RABGAP1L: variants seen among roughly 807,000 people sequenced by gnomAD.
The protein encoded by RABGAP1L is RAB GTPase activating protein 1 like, also known as rab GTPase-activating protein 1-like.
In RABGAP1L, 63 loss-of-function variants were observed where a neutral mutation model predicts 137.7. The ratio of observed to expected loss-of-function variants is 0.46; its 90% CI spans 0.37 to 0.56. The LOEUF is 0.56. RABGAP1L is among the 20% of genes least tolerant of loss of function. The pLI is 0.00. For missense variants in RABGAP1L, 1,095 were observed against 1,244.0 expected, an observed-to-expected ratio of 0.88 and a Z score of 1.80; for synonymous variants, 431 against 433.7, an observed-to-expected ratio of 0.99 and a Z score of 0.08.
chr1:174,237,172 G>T (rs561236536), intron 4 of RABGAP1L, among the ~76,000 whole-genome samples: 2 of 151,194 alleles, frequency 1.3e-5, no homozygotes, highest in African/African-American at 2.4e-5. Flanking sequence ...GTCTCTGCAC[G>T]TGAGATGGGT....
chr1:174,729,096 T>C (rs332798), intron 17 of RABGAP1L, among the ~76,000 whole-genome samples: 60,082 of 151,966 alleles, frequency 0.4, 15,037 homozygotes, highest in African/African-American at 0.71. Context: ...TATATAGTAA[T>C]CAAAACAACG....
intron 19 of RABGAP1L, chr1:174,874,484 C>T (rs1652746833): frequency 1.0e-6 from 1 of 984,626 alleles, no homozygotes; most frequent in Non-Finnish European, 1.2e-6. Context: ...GTTTCTGTTG[C>T]CTGTTTTGAT....
intron 17 of RABGAP1L, among the ~76,000 whole-genome samples, chr1:174,719,751 A>G (rs942355890): frequency 2.0e-4 from 31 of 152,236 alleles, no homozygotes; most frequent in Non-Finnish European, 4.0e-4. Context: ...AGAGTGTATC[A>G]TCAGTCCAAA....
intron 1 of RABGAP1L, among the ~76,000 whole-genome samples, chr1:174,187,202 T>C (rs1666868890): frequency 6.6e-6 from 1 of 151,954 alleles, no homozygotes; most frequent in South Asian, 2.1e-4. Context: ...CAGTATAAAG[T>C]AGGATAACCC....
intron 19 of RABGAP1L, among the ~76,000 whole-genome samples, chr1:174,881,803 T>C (rs1654273843): frequency 6.6e-6 from 1 of 152,106 alleles, no homozygotes; most frequent in Admixed American, 6.6e-5. Context: ...CCTGGCCTCA[T>C]TTGCTTTTAA....
chr1:174,523,311 A>G (rs1247748290), intron 13 of RABGAP1L, among the ~76,000 whole-genome samples: 1 of 152,198 alleles, frequency 6.6e-6, no homozygotes. Context: ...GCATACAGCC[A>G]AATATCATTA....
chr1:174,967,107 T>A (rs896644558), intron 20 of RABGAP1L, among the ~76,000 whole-genome samples: 6 of 151,936 alleles, frequency 3.9e-5, no homozygotes, highest in African/African-American at 1.4e-4. Flanking sequence ...TATTGGGGTT[T>A]TTTTCCCCCC....
At chr1:174,305,285 A>T (rs1678099608) in intron 11 of RABGAP1L, among the ~76,000 whole-genome samples, 158 bp downstream of exon 11, 1 of 152,198 alleles carries the variant, frequency 6.6e-6, no homozygotes, top group Admixed American at 6.5e-5. Flanking sequence ...AATTTGGTTC[A>T]TTTGGTTCCT....
intron 20 of RABGAP1L, among the ~76,000 whole-genome samples, chr1:174,959,726 T>A (rs1668915724): frequency 6.6e-6 from 1 of 152,168 alleles, no homozygotes; most frequent in South Asian, 2.1e-4. Context: ...CTCTTAATAA[T>A]GTCTAGGCAT....
At chr1:174,438,744 GTATATATA>G (rs71117563) in intron 13 of RABGAP1L, among the ~76,000 whole-genome samples, 2,148 of 95,450 alleles carry the variant, frequency 0.023, 139 homozygotes, top group African/African-American at 0.092. Context: ...GTGTGTGTGT[GTATATATA>G]TATATATATA....
At chr1:174,179,269 G>T (rs1008099281) in intron 1 of RABGAP1L, among the ~76,000 whole-genome samples, 4 of 152,078 alleles carry the variant, frequency 2.6e-5, no homozygotes, top group Non-Finnish European at 5.9e-5. Flanking sequence ...TCCATTGAGA[G>T]AAAATGTCTT....
At chr1:174,426,945 T>C (rs1652026830) in intron 13 of RABGAP1L, among the ~76,000 whole-genome samples, 1 of 152,064 alleles carries the variant, frequency 6.6e-6, no homozygotes, top group Non-Finnish European at 1.5e-5. Context: ...ATCATAACAA[T>C]ATGTAATATG....
intron 13 of RABGAP1L, among the ~76,000 whole-genome samples, chr1:174,443,113 T>C (rs1349408792): frequency 6.6e-6 from 1 of 152,088 alleles, no homozygotes; most frequent in Non-Finnish European, 1.5e-5. Context: ...TCCCCACCTG[T>C]TCATGTCTTG....
intron 13 of RABGAP1L, among the ~76,000 whole-genome samples, chr1:174,514,971 GTTCT>G (rs1662685527): frequency 6.6e-6 from 1 of 151,914 alleles, no homozygotes; most frequent in African/African-American, 2.4e-5. Flanking sequence ...TTTTAAAAAT[GTTCT>G]TTATTTAAAA....
In RABGAP1L at chr1:174,562,983, C is replaced by T. The variant is rs182716054; in HGVS notation, c.1711-74392C>T. Among the ~76,000 whole-genome samples, 177 of 152,128 alleles carry T rather than the reference C, an allele frequency of 1.2e-3. 1 individual carries two copies. Among genetic ancestry groups the T allele is most frequent in the African/African-American group, 4.2e-3 (173 of 41,426 alleles). ...CAAAACTGCACGTTCTGCACATGTA[C>T]TCCAGAACTTAAAGTATAATAAAAA... On this transcript the variant is annotated intron_variant, in intron 13 of 25. Coordinates refer to ENST00000681986, the MANE Select transcript of RABGAP1L (RefSeq NM_001366446.1).
At position 174,201,690 on chromosome 1, in the gene RABGAP1L, G is replaced by A. The variant is rs137917237; in HGVS notation, c.-33-17435G>A. Among the ~76,000 whole-genome samples the A allele has an allele frequency of 5.1e-3, 759 of 149,592 alleles. 3 individuals are homozygous for A. The highest frequency in any genetic ancestry group is 0.018 in the African/African-American group (727 of 40,516). On this transcript the variant is annotated intron_variant, in intron 1 of 25. Coordinates refer to ENST00000681986, the MANE Select transcript of RABGAP1L (RefSeq NM_001366446.1). Reference sequence around the variant, plus strand: ...TTATACTTTAAGTTTTAGGGTACATGTGCACAACGTGCAGGTTTGTTACAT... The same window carrying A: ...TTATACTTTAAGTTTTAGGGTACATATGCACAACGTGCAGGTTTGTTACAT...
intron 8 of RABGAP1L, among the ~76,000 whole-genome samples, chr1:174,274,522 G>A (rs1438602796): frequency 2.0e-5 from 3 of 151,788 alleles, no homozygotes; most frequent in Non-Finnish European, 1.5e-5. Flanking sequence ...GTTTTTATAA[G>A]TACGGTGTAT....
At chr1:174,321,137 G>T (rs918501048) in intron 11 of RABGAP1L, among the ~76,000 whole-genome samples, 1 of 152,124 alleles carries the variant, frequency 6.6e-6, no homozygotes, top group Admixed American at 6.6e-5. Context: ...CCAGTCTCCT[G>T]TAGCACTCCC....
chr1:174,564,405 T>C (rs1667430654), intron 13 of RABGAP1L, among the ~76,000 whole-genome samples: 1 of 152,204 alleles, frequency 6.6e-6, no homozygotes, highest in South Asian at 2.1e-4. Context: ...TACCAGGTGC[T>C]TTGCATGTGT....
Sources: allele counts gnomAD v4.1 joint callset (sites outside exome capture counted in the v4.1 genomes callset), GRCh38; gene constraint gnomAD v4.1.1; transcripts MANE v1.5; gene names NCBI Gene and HGNC (gene_info 2026-07-23, HGNC 2026-07-21).